Variants in FRMD4A observed in about 807,000 individuals in gnomAD.
FRMD4A encodes the protein FERM domain containing 4A.
FRMD4A carries 29 observed loss-of-function variants against 129.1 expected under a neutral mutation model. The ratio of observed to expected loss-of-function variants is 0.22; its 90% CI spans 0.17 to 0.31. The LOEUF is 0.31. Ranked by LOEUF, FRMD4A falls within the 10% of genes least tolerant of loss-of-function variation. FRMD4A has a pLI of 1.00. For missense variants in FRMD4A, 1,272 were observed against 1,375.8 expected (o/e 0.92, Z 1.19); for synonymous variants, 634 against 571.6 (o/e 1.11, Z -1.56).
chr10:13,953,256 C>A (rs2095386086), intron 2 of FRMD4A, among the ~76,000 whole-genome samples: 1 of 152,112 alleles, frequency 6.6e-6, no homozygotes, highest in Non-Finnish European at 1.5e-5. Context: ...TCTCATCTAC[C>A]CTTAGCTTGT....
At chr10:13,674,058 G>A (rs1329645343) in intron 16 of FRMD4A, among the ~76,000 whole-genome samples, 1 of 152,068 alleles carries the variant, frequency 6.6e-6, no homozygotes, top group Non-Finnish European at 1.5e-5. Flanking sequence ...ATGAGCAGCT[G>A]TGCCCAGCCT....
At chr10:14,148,167 T>C (rs1167091888) in intron 2 of FRMD4A, among the ~76,000 whole-genome samples, 1 of 152,176 alleles carries the variant, frequency 6.6e-6, no homozygotes, top group Non-Finnish European at 1.5e-5. Context: ...GCATTTGATG[T>C]GCATCCACCC....
At chr10:14,184,298 A>ATTTT (rs60196881) in intron 2 of FRMD4A, among the ~76,000 whole-genome samples, 4 of 104,908 alleles carry the variant, frequency 3.8e-5, no homozygotes, top group African/African-American at 1.4e-4. Flanking sequence ...CAACCGGTTA[A>ATTTT]TTTTTTTTTT....
intron 2 of FRMD4A, among the ~76,000 whole-genome samples, chr10:13,900,171 G>A (rs1270794174): frequency 6.6e-6 from 1 of 152,170 alleles, no homozygotes; most frequent in African/African-American, 2.4e-5. Flanking sequence ...GGATAATTCC[G>A]TCTCCTGTCA....
At chr10:14,104,488 T>C (rs1260586917) in intron 2 of FRMD4A, among the ~76,000 whole-genome samples, 1 of 152,212 alleles carries the variant, frequency 6.6e-6, no homozygotes, top group African/African-American at 2.4e-5. Flanking sequence ...TTCCAGATGC[T>C]CTACTCCCCA....
At chr10:13,669,057 G>GATTTTT (rs541360128) in intron 17 of FRMD4A, among the ~76,000 whole-genome samples, 3 of 97,460 alleles carry the variant, frequency 3.1e-5, no homozygotes, top group Non-Finnish European at 4.0e-5. Flanking sequence ...CTGAGCTTTA[G>GATTTTT]TTTTTTTTTT....
At chr10:13,852,693 G>A (rs1301697694) in intron 3 of FRMD4A, among the ~76,000 whole-genome samples, 2 of 152,124 alleles carry the variant, frequency 1.3e-5, no homozygotes, top group African/African-American at 2.4e-5. Context: ...TCACAAGCTG[G>A]TGTGTGATTT....
chr10:13,952,816 C>T (rs1366717530), intron 2 of FRMD4A, among the ~76,000 whole-genome samples: 1 of 152,158 alleles, frequency 6.6e-6, no homozygotes, highest in South Asian at 2.1e-4. Context: ...GCCTCAGCCT[C>T]CCGAGTAGCT....
chr10:14,052,717 ACT>A (rs1229130003), intron 2 of FRMD4A, among the ~76,000 whole-genome samples: 12 of 131,726 alleles, frequency 9.1e-5, no homozygotes, highest in African/African-American at 3.2e-4. Flanking sequence ...CACCACCATA[ACT>A]GGCTATTTTT....
At chr10:14,243,341 T>C (rs1218392) in intron 2 of FRMD4A, among the ~76,000 whole-genome samples, 123,630 of 152,068 alleles carry the variant, frequency 0.81, 50,678 homozygotes, top group Non-Finnish European at 0.87. Flanking sequence ...TCTGATGATT[T>C]TGTAAGTGTT....
intron 17 of FRMD4A, chr10:13,668,482 G>C (rs1229328181): frequency 1.3e-5 from 2 of 152,242 alleles, no homozygotes; most frequent in Non-Finnish European, 2.9e-5. Flanking sequence ...GAAGCAAAGT[G>C]CGTTTCCAGG....
intron 2 of FRMD4A, chr10:14,083,359 T>C (rs1836046479): frequency 6.6e-6 from 1 of 152,200 alleles, no homozygotes; most frequent in African/African-American, 2.4e-5. Flanking sequence ...CTCTGGTCAC[T>C]GAGTTGGTGA....
intron 2 of FRMD4A, among the ~76,000 whole-genome samples, chr10:13,969,604 G>T (rs952877899): frequency 6.6e-6 from 1 of 152,180 alleles, no homozygotes; most frequent in Admixed American, 6.5e-5. Flanking sequence ...TTATCCCAGC[G>T]CTTTGGGAGG....
chr10:13,813,720 G>A (rs1465006814), intron 3 of FRMD4A, among the ~76,000 whole-genome samples: 1 of 152,190 alleles, frequency 6.6e-6, no homozygotes, highest in African/African-American at 2.4e-5. Flanking sequence ...TAGACTATCA[G>A]TTGTTTACTC....
Position 13,701,597 on chromosome 10 carries a change from A to G in FRMD4A, c.837-119T>C, listed in dbSNP as rs1589445165. The G allele has an allele frequency of 1.4e-5, 12 of 832,932 alleles. No homozygotes were observed. In the East Asian group the frequency reaches 3.0e-4, roughly 20 times the overall value. 51.6% of individuals were successfully genotyped at this position (832,932 alleles called of 1,614,324 possible). On this transcript the variant is annotated intron_variant, in intron 13 of 24. Transcript: ENST00000357447. Reference sequence around the variant, plus strand: ...AGAAGCCCTGGCGTAAAGATGATAGATGAGCTCTCACATACACCTAGGCGT... The same window carrying G: ...AGAAGCCCTGGCGTAAAGATGATAGGTGAGCTCTCACATACACCTAGGCGT...
chr10:14,121,103 C>T (rs1190333434), intron 2 of FRMD4A, among the ~76,000 whole-genome samples: 1 of 152,062 alleles, frequency 6.6e-6, no homozygotes, highest in Non-Finnish European at 1.5e-5. Flanking sequence ...TGTGGTGGCT[C>T]ACACCTGTAA....
intron 4 of FRMD4A, among the ~76,000 whole-genome samples, chr10:13,799,049 G>C (rs2103322): frequency 0.49 from 73,954 of 152,056 alleles, 18,193 homozygotes; most frequent in African/African-American, 0.55. Context: ...GGATGGGGGG[G>C]TCCTCCTCCG....
chr10:13,923,646 G>A (rs189236861), intron 2 of FRMD4A, among the ~76,000 whole-genome samples: 1 of 152,136 alleles, frequency 6.6e-6, no homozygotes, highest in East Asian at 1.9e-4. Flanking sequence ...GCCTCACACC[G>A]AGTTCAAGGT....
At chr10:13,799,989 C>A (rs2130839401) in intron 4 of FRMD4A, among the ~76,000 whole-genome samples, 1 of 151,252 alleles carries the variant, frequency 6.6e-6, no homozygotes, top group South Asian at 2.1e-4. Context: ...ACCAGCCTGA[C>A]CAACATGGTG....
Sources: allele counts gnomAD v4.1 joint callset (sites outside exome capture counted in the v4.1 genomes callset), GRCh38; gene constraint gnomAD v4.1.1; transcripts MANE v1.5; gene names NCBI Gene and HGNC (gene_info 2026-07-23, HGNC 2026-07-21).